Variants in TMEM135 observed in about 807,000 individuals in gnomAD.
TMEM135 encodes the protein transmembrane protein 135.
TMEM135 carries 30 observed loss-of-function variants against 60.3 expected under a neutral mutation model. The ratio of observed to expected loss-of-function variants is 0.50; its 90% CI spans 0.37 to 0.68. TMEM135 has a LOEUF of 0.68. Ranked by LOEUF, TMEM135 falls within the 30% of genes least tolerant of loss-of-function variation. The pLI, the probability that TMEM135 is intolerant of heterozygous loss-of-function variation, is 0.00. For synonymous variants in TMEM135, 190 were observed against 186.7 expected, an observed-to-expected ratio of 1.02 and a Z score of -0.14; for missense variants, 468 against 548.8, an observed-to-expected ratio of 0.85 and a Z score of 1.47.
At chr11:87,221,964 G>A (rs11826471) in intron 5 of TMEM135, among the ~76,000 whole-genome samples, 4 of 152,064 alleles carry the variant, frequency 2.6e-5, no homozygotes, top group African/African-American at 7.2e-5. Context: ...TTGGGAGGCC[G>A]AGGTGGGCGG....
intron 12 of TMEM135, 82 bp from the exon 13 acceptor site, chr11:87,318,055 T>C (rs959686476): frequency 1.6e-5 from 17 of 1,038,348 alleles, no homozygotes; most frequent in Admixed American, 6.8e-5. Flanking sequence ...AGAAAGGTTG[T>C]AGGCAGGGAG....
intron 6 of TMEM135, among the ~76,000 whole-genome samples, chr11:87,274,262 G>A (rs1941926832): frequency 7.0e-6 from 1 of 141,928 alleles, no homozygotes; most frequent in Non-Finnish European, 1.6e-5. Context: ...CCCTTTACTG[G>A]TAGGCAAAGC....
chr11:87,258,842 T>G, intron 6 of TMEM135: 1 of 745,122 alleles, frequency 1.3e-6, no homozygotes, highest in Admixed American at 1.8e-5. Flanking sequence ...TATACGGCAG[T>G]AACAATCTAG....
chr11:87,132,823 GT>G (rs34935722), intron 4 of TMEM135, among the ~76,000 whole-genome samples: 72,408 of 151,880 alleles, frequency 0.48, 17,560 homozygotes, highest in East Asian at 0.67. Context: ...CCTATGGTAT[GT>G]TTTTTTCTCT....
chr11:87,288,340 C>T (rs76468335), intron 6 of TMEM135, among the ~76,000 whole-genome samples: 55 of 152,170 alleles, frequency 3.6e-4, no homozygotes, highest in Admixed American at 1.2e-3. Context: ...CTTGAAAGAC[C>T]AAGTTTGAAA....
At chr11:87,195,371 TTCCTTCCTTCCTTCCTTCCTTCTC>T (rs1565482147) in intron 5 of TMEM135, among the ~76,000 whole-genome samples, 1 of 118,366 alleles carries the variant, frequency 8.4e-6, no homozygotes, top group Admixed American at 8.5e-5. Context: ...CCTTCCTTCC[TTCCTTCCTTCCTTCCTTCCTTCTC>T]TCTCTCTCTC....
intron 5 of TMEM135, among the ~76,000 whole-genome samples, chr11:87,173,501 T>C (rs907356447): frequency 1.3e-5 from 2 of 152,172 alleles, no homozygotes; most frequent in Non-Finnish European, 2.9e-5. Flanking sequence ...ACCTTGCCAG[T>C]GTTGTCTTCT....
intron 1 of TMEM135, among the ~76,000 whole-genome samples, chr11:87,041,764 G>A (rs1335117459): frequency 1.3e-5 from 2 of 152,212 alleles, no homozygotes; most frequent in Non-Finnish European, 2.9e-5. Context: ...GAATGAATAA[G>A]CATATGAATA....
chr11:87,059,591 C>T (rs1565424311), intron 1 of TMEM135, among the ~76,000 whole-genome samples: 1 of 152,124 alleles, frequency 6.6e-6, no homozygotes, highest in African/African-American at 2.4e-5. Flanking sequence ...TCTGGGATTA[C>T]AGGCATGAGC....
chr11:87,182,074 A>T (rs934155564), intron 5 of TMEM135, among the ~76,000 whole-genome samples: 10 of 151,900 alleles, frequency 6.6e-5, no homozygotes, highest in Non-Finnish European at 1.3e-4. Context: ...AACTAAAAAT[A>T]TAGAATAATA....
chr11:87,295,906 G>A (rs560995801), intron 7 of TMEM135, 83 bp downstream of exon 7: 1 of 1,097,914 alleles, frequency 9.1e-7, no homozygotes, highest in Non-Finnish European at 1.4e-6. Flanking sequence ...AATAGGTATT[G>A]ACTAAGCATT....
At chr11:87,154,984 C>CT (rs1369924091) in intron 4 of TMEM135, among the ~76,000 whole-genome samples, 18 of 64,690 alleles carry the variant, frequency 2.8e-4, no homozygotes, top group East Asian at 1.5e-3. Flanking sequence ...TGGTGAAATC[C>CT]AGTTTTATTT....
intron 4 of TMEM135, among the ~76,000 whole-genome samples, chr11:87,108,276 A>G (rs1857649966): frequency 6.6e-6 from 1 of 152,084 alleles, no homozygotes; most frequent in Non-Finnish European, 1.5e-5. Flanking sequence ...ATTAGATCCC[A>G]TTTATTAATT....
chr11:87,195,744 A>T (rs547802932), intron 5 of TMEM135, among the ~76,000 whole-genome samples: 40 of 152,138 alleles, frequency 2.6e-4, no homozygotes, highest in Non-Finnish European at 4.1e-4. Flanking sequence ...ACGAGTAAAA[A>T]TTGTTTTTGC....
chr11:87,258,421 A>AT (rs1405712718), intron 6 of TMEM135, among the ~76,000 whole-genome samples: 3 of 151,960 alleles, frequency 2.0e-5, no homozygotes, highest in Admixed American at 2.0e-4. Flanking sequence ...GTTGTAATGC[A>AT]TTTTGTCTGT....
intron 4 of TMEM135, among the ~76,000 whole-genome samples, chr11:87,109,815 A>G (rs1281482439): frequency 7.6e-6 from 1 of 131,852 alleles, no homozygotes; most frequent in African/African-American, 3.1e-5. Context: ...GAAATAATTT[A>G]AAAGCACCAA....
At chr11:87,191,243 A>ATTT (rs10639049) in intron 5 of TMEM135, among the ~76,000 whole-genome samples, 11 of 145,606 alleles carry the variant, frequency 7.6e-5, no homozygotes, top group East Asian at 2.0e-4. Flanking sequence ...CTTTGGCAGT[A>ATTT]TTTTTTTTTT....
chr11:87,126,155 G>A (rs1481867203), intron 4 of TMEM135, among the ~76,000 whole-genome samples: 1 of 152,008 alleles, frequency 6.6e-6, no homozygotes, highest in Non-Finnish European at 1.5e-5. Flanking sequence ...ATGGGCTTGA[G>A]CCACTATGCC....
At chr11:87,140,310 G>A (rs190222223) in intron 4 of TMEM135, among the ~76,000 whole-genome samples, 77 of 151,990 alleles carry the variant, frequency 5.1e-4, no homozygotes, top group Non-Finnish European at 6.9e-4. Context: ...CTCGTGATCC[G>A]CCTGCCATGG....
Sources: allele counts gnomAD v4.1 joint callset (sites outside exome capture counted in the v4.1 genomes callset), GRCh38; gene constraint gnomAD v4.1.1; transcripts MANE v1.5; gene names NCBI Gene and HGNC (gene_info 2026-07-23, HGNC 2026-07-21).